LETMD1: variants seen among roughly 807,000 people sequenced by gnomAD.
The protein encoded by LETMD1 is LETM1 domain-containing protein 1.
LETMD1 carries 30 observed loss-of-function variants against 43.9 expected under a neutral mutation model. That is an observed-to-expected ratio of 0.68 (90% CI 0.51 to 0.93). The LOEUF (loss-of-function observed/expected upper bound fraction) is 0.93. LETMD1 is among the 40% of genes least tolerant of loss of function. The pLI, the probability that LETMD1 is intolerant of heterozygous loss-of-function variation, is 0.00. For missense variants in LETMD1, 413 were observed against 447.7 expected, an observed-to-expected ratio of 0.92 and a Z score of 0.70; for synonymous variants, 176 against 163.1, an observed-to-expected ratio of 1.08 and a Z score of -0.60.
chr12:51,068,580 A>C, the LETMD1 span, among the ~76,000 whole-genome samples: 47 of 151,894 alleles, frequency 3.1e-4, no homozygotes, highest in Admixed American at 5.3e-4. Context: ...CTTCTCAAAA[A>C]CCCGTCTCAT....
downstream of LETMD1, chr12:51,063,760 G>C (rs1200213995): frequency 6.4e-6 from 10 of 1,562,548 alleles, no homozygotes; most frequent in Non-Finnish European, 8.7e-6. Flanking sequence ...ACTGCCAGAG[G>C]GAGTTCTAAG....
intron 4 of LETMD1, among the ~76,000 whole-genome samples, chr12:51,054,789 C>T (rs1195136316): frequency 7.2e-5 from 11 of 152,122 alleles, no homozygotes; most frequent in Admixed American, 5.2e-4. Flanking sequence ...CCACCAAACA[C>T]GTAGATAAAT....
downstream of LETMD1, chr12:51,064,363 C>T (rs1337953493): frequency 1.2e-6 from 2 of 1,614,228 alleles, no homozygotes; most frequent in South Asian, 2.2e-5. Context: ...GAATCTTCTT[C>T]TGCCTTGAGC....
At chr12:51,063,130 TG>T (rs1937743813), downstream of LETMD1, 1 of 152,112 alleles carries the variant, frequency 6.6e-6, no homozygotes, top group Non-Finnish European at 1.5e-5. Flanking sequence ...ATCCCCAGTG[TG>T]GGGAACAGGT....
At chr12:51,056,078 A>C in intron 5 of LETMD1, 57 bp downstream of exon 5, 1 of 1,608,104 alleles carries the variant, frequency 6.2e-7, no homozygotes, top group Non-Finnish European at 8.5e-7. Flanking sequence ...TTCAGTGTGC[A>C]CTAAACTAGG....
At chr12:51,067,665 G>T in the LETMD1 span, 2 of 1,611,480 alleles carry the variant, frequency 1.2e-6, no homozygotes, top group South Asian at 1.1e-5. The surrounding 1 kb of genome is among the most constrained non-coding windows in gnomAD (Gnocchi z 4.1). Context: ...AGGCCAACTT[G>T]GACTGACCTG....
chr12:51,063,944 T>C, downstream of LETMD1: 3 of 1,613,040 alleles, frequency 1.9e-6, no homozygotes, highest in Non-Finnish European at 2.5e-6. Flanking sequence ...CTAGGGTGGG[T>C]GTTTTCCCCA....
intron 4 of LETMD1, among the ~76,000 whole-genome samples, chr12:51,055,180 CATAT>C (rs1484773696): frequency 6.6e-6 from 1 of 152,104 alleles, no homozygotes; most frequent in Non-Finnish European, 1.5e-5. Flanking sequence ...GTCAACATCA[CATAT>C]AGTGTCCTGG....
chr12:51,056,233 G>A lies in LETMD1; in HGVS notation c.750G>A (p.Gln250=). Residue 250 remains glutamine, a synonymous_variant, in exon 6 of 9, where the codon CAG becomes CAA. Transcript: ENST00000262055. Reference sequence around the variant, plus strand: ...ATCCTCTGGGCATGAACCAACTCCAGGCTTTGCACGTGGTGAGCACTTTGA... The same window carrying A: ...ATCCTCTGGGCATGAACCAACTCCAAGCTTTGCACGTGGTGAGCACTTTGA... ...SNHPLGMNQL[Q]ALHVKALSRA... 1 of 1,614,212 alleles carries A rather than the reference G, an allele frequency of 6.2e-7. No homozygotes were observed. The highest frequency in any genetic ancestry group is 8.5e-7 in the Non-Finnish European group (1 of 1,180,026).
At chr12:51,051,773 T>C (rs1040231985) in intron 2 of LETMD1, among the ~76,000 whole-genome samples, 1 of 151,954 alleles carries the variant, frequency 6.6e-6, no homozygotes, top group Non-Finnish European at 1.5e-5. Context: ...ATACATAGGG[T>C]TAATTTAGCA....
chr12:51,067,611 A>G, the LETMD1 span: 1 of 1,527,372 alleles, frequency 6.5e-7, no homozygotes, highest in Non-Finnish European at 8.9e-7. The surrounding 1 kb of genome is among the most constrained non-coding windows in gnomAD (Gnocchi z 4.1). Flanking sequence ...GTTCAGTGGC[A>G]CCCACACCTC....
chr12:51,057,490 G>T, intron 7 of LETMD1: 1 of 153,204 alleles, frequency 6.5e-6, no homozygotes, highest in Admixed American at 6.5e-5. Flanking sequence ...TTTTCTTCTG[G>T]CACTTCAGAA....
chr12:51,064,493 G>A, downstream of LETMD1: 1 of 1,611,040 alleles, frequency 6.2e-7, no homozygotes, highest in East Asian at 2.2e-5. Flanking sequence ...TGGCAGTCGG[G>A]GAGGGCTCCT....
intron 3 of LETMD1, 144 bp from the exon 4 acceptor site, chr12:51,053,634 C>T: frequency 1.6e-6 from 1 of 627,542 alleles, no homozygotes; most frequent in South Asian, 2.0e-5. Context: ...CAGAGCAAGA[C>T]TCCATCTCAA....
the LETMD1 span, among the ~76,000 whole-genome samples, chr12:51,066,157 T>C: frequency 3.3e-5 from 5 of 151,160 alleles, no homozygotes; most frequent in Non-Finnish European, 7.4e-5. Flanking sequence ...CTGTCTCTAC[T>C]AAAAATACAA....
intron 4 of LETMD1, among the ~76,000 whole-genome samples, chr12:51,054,772 T>C (rs10876128): frequency 0.39 from 58,584 of 152,104 alleles, 14,314 homozygotes; most frequent in Non-Finnish European, 0.56. Flanking sequence ...GAGGTCATGT[T>C]TTAAAACCAC....
At chr12:51,052,354 C>G in intron 3 of LETMD1, 147 bp downstream of exon 3, 1 of 858,150 alleles carries the variant, frequency 1.2e-6, no homozygotes. Flanking sequence ...CTGAATGAGG[C>G]ATCAGATTAT....
downstream of LETMD1, chr12:51,063,323 A>G (rs539172699): frequency 3.4e-3 from 515 of 153,320 alleles, 5 homozygotes; most frequent in African/African-American, 0.012. Flanking sequence ...CCAAAATGGG[A>G]TATCAGAATA....
rs761595614 is a variant in LETMD1, at chr12:51,049,166, G to A, written c.255G>A (p.Leu85=). 1 of 1,610,380 alleles carries A rather than the reference G, an allele frequency of 6.2e-7. No homozygotes were observed. Among genetic ancestry groups the A allele is most frequent in the Admixed American group, 1.7e-5 (1 of 58,662 alleles). The change falls in exon 2 of 9, where the codon CTG becomes CTA. Residue 85 remains leucine (L), a synonymous_variant. Transcript: ENST00000262055. ...LGRHFPRFYV[L]YTIFMKGLQM... ...GTCATTTCCCCCGCTTCTATGTCCTGTACACAATCTTCATGAAAGGTAAAA... is the reference window on the plus strand; with the variant it reads ...GTCATTTCCCCCGCTTCTATGTCCTATACACAATCTTCATGAAAGGTAAAA...
Sources: gnomAD v4.1 joint callset for allele counts (sites outside exome capture counted in the v4.1 genomes callset) on GRCh38, gnomAD v4.1.1 for gene constraint, Gnocchi (gnomAD v3.1) non-coding constraint, MANE v1.5 for transcripts, NCBI Gene and HGNC (gene_info 2026-07-23, HGNC 2026-07-21) for gene names.